GLMN: variants seen among roughly 807,000 people sequenced by gnomAD.
The protein encoded by GLMN is glomulin.
Under a neutral mutation model 87.8 loss-of-function variants are expected in GLMN, and 75 were observed. The ratio of observed to expected loss-of-function variants is 0.85; its 90% CI spans 0.71 to 1.04. The LOEUF (loss-of-function observed/expected upper bound fraction) is 1.04. GLMN is among the 50% of genes least tolerant of loss of function. The pLI is 0.00. For synonymous variants in GLMN, 206 were observed against 221.6 expected (o/e 0.93, Z 0.63); for missense variants, 588 against 658.8 (o/e 0.89, Z 1.18).
chr1:92,250,628 T>TAA (rs905913059), intron 16 of GLMN, among the ~76,000 whole-genome samples: 1 of 152,196 alleles, frequency 6.6e-6, no homozygotes, highest in Non-Finnish European at 1.5e-5. Flanking sequence ...ATAGTTGAAA[T>TAA]AAAAGTTTTC....
In GLMN at chr1:92,246,639, T is replaced by G. The variant is rs1346419359; in HGVS notation, c.1676A>C (p.His559Pro). The change falls in exon 19 of 19, where the codon CAT becomes CCT. Residue 559 changes from histidine to proline, a missense_variant. Physicochemically the swap from His to Pro is moderately conservative, Grantham distance 77. Coordinates refer to ENST00000370360, the MANE Select transcript of GLMN (RefSeq NM_053274.3). ...CAAATCAAATGTGAAAAGAGCTGAA[T>G]GCAGGACCTGCAATGCCAAGAAAAA... is the stretch of plus-strand genomic sequence containing the variant. The part of the protein sequence containing the change: ...MPPEMQLKVL[H>P]SALFTFDLIE... The G allele has an allele frequency of 6.6e-7, 1 of 1,505,514 alleles. No individual in the cohort carries two copies. Among genetic ancestry groups the G allele is most frequent in the Admixed American group, 1.7e-5 (1 of 59,836 alleles). The allele number at this position is 1,505,514 out of a possible 1,614,324, so 93.3% of individuals were successfully genotyped here.
At chr1:92,320,628 A>T in the GLMN span, 1 of 1,609,514 alleles carries the variant, frequency 6.2e-7, no homozygotes, top group East Asian at 2.2e-5. Context: ...CTAAAGGAAG[A>T]ACAAAGGTAT....
At chr1:92,278,113 G>A (rs906437845) in intron 7 of GLMN, among the ~76,000 whole-genome samples, 3 of 152,178 alleles carry the variant, frequency 2.0e-5, no homozygotes, top group Non-Finnish European at 4.4e-5. Context: ...AGGGCAGGGG[G>A]CAGGGCAGGG....
At chr1:92,366,398 A>G in the GLMN span, among the ~76,000 whole-genome samples, 2 of 152,226 alleles carry the variant, frequency 1.3e-5, no homozygotes, top group Non-Finnish European at 2.9e-5. Context: ...AACAACATCA[A>G]TAACAGCAGT....
intron 7 of GLMN, among the ~76,000 whole-genome samples, chr1:92,274,221 G>A (rs947998319): frequency 2.0e-5 from 3 of 152,114 alleles, no homozygotes; most frequent in African/African-American, 4.8e-5. Flanking sequence ...TACATCCTCA[G>A]TCTCTTCATA....
At chr1:92,362,245 T>C in the GLMN span, among the ~76,000 whole-genome samples, 41 of 152,320 alleles carry the variant, frequency 2.7e-4, no homozygotes, top group African/African-American at 9.9e-4. Flanking sequence ...ATTTAGATTG[T>C]ATATTATAGA....
intron 5 of GLMN, among the ~76,000 whole-genome samples, chr1:92,289,976 T>G (rs1649209644): frequency 6.6e-6 from 1 of 152,194 alleles, no homozygotes; most frequent in African/African-American, 2.4e-5. Flanking sequence ...TGAAAAATAG[T>G]ATGACATTCA....
At chr1:92,368,756 C>T in the GLMN span, among the ~76,000 whole-genome samples, 12 of 152,214 alleles carry the variant, frequency 7.9e-5, no homozygotes, top group Admixed American at 7.9e-4. Flanking sequence ...ATGGAGGGTA[C>T]TTGTCCTAAC....
At chr1:92,329,446 C>T in the GLMN span, among the ~76,000 whole-genome samples, 4 of 151,856 alleles carry the variant, frequency 2.6e-5, no homozygotes, top group African/African-American at 4.9e-5. Context: ...TCACTCCCAC[C>T]GTGCCCCCAC....
upstream of GLMN, among the ~76,000 whole-genome samples, chr1:92,301,953 A>C (rs998342633): frequency 1.3e-5 from 2 of 152,244 alleles, no homozygotes; most frequent in African/African-American, 4.8e-5. Flanking sequence ...AACATCACAT[A>C]CTACCCCACA....
the GLMN span, among the ~76,000 whole-genome samples, chr1:92,368,898 G>A: frequency 6.6e-6 from 1 of 152,218 alleles, no homozygotes; most frequent in Non-Finnish European, 1.5e-5. Context: ...ATATGGTAAA[G>A]AATTGTTATA....
At chr1:92,260,677 G>A (rs983013078) in intron 16 of GLMN, among the ~76,000 whole-genome samples, 2 of 149,804 alleles carry the variant, frequency 1.3e-5, no homozygotes, top group Non-Finnish European at 3.0e-5. Flanking sequence ...AGGATTGTTT[G>A]AGCTGGGGAG....
At chr1:92,341,119 C>T in the GLMN span, among the ~76,000 whole-genome samples, 1 of 151,986 alleles carries the variant, frequency 6.6e-6, no homozygotes, top group Non-Finnish European at 1.5e-5. Context: ...AGCAATCCTC[C>T]CACCTTAGCC....
At chr1:92,344,998 GT>G in the GLMN span, among the ~76,000 whole-genome samples, 1 of 152,014 alleles carries the variant, frequency 6.6e-6, no homozygotes, top group Non-Finnish European at 1.5e-5. Context: ...TGACTACAGA[GT>G]TTTTTGTTGC....
chr1:92,350,745 A>G, the GLMN span, among the ~76,000 whole-genome samples: 2 of 152,174 alleles, frequency 1.3e-5, no homozygotes, highest in South Asian at 4.1e-4. Context: ...CAGCCTGGCC[A>G]ACGTGGTGAA....
chr1:92,331,121 T>G, the GLMN span, among the ~76,000 whole-genome samples: 1 of 152,222 alleles, frequency 6.6e-6, no homozygotes, highest in African/African-American at 2.4e-5. Context: ...ATTTTACTTT[T>G]TGAGACCATG....
chr1:92,259,414 C>A (rs1162185780), intron 16 of GLMN, among the ~76,000 whole-genome samples: 1 of 152,040 alleles, frequency 6.6e-6, no homozygotes, highest in African/African-American at 2.4e-5. Context: ...CAAGGAGATA[C>A]AAGAGGCATG....
Position 92,247,910 on chromosome 1 carries a change from G to A in GLMN, c.1553C>T (p.Ala518Val). The change falls in exon 17 of 19, where the codon GCA (alanine) becomes GTA (valine). Residue 518 changes from alanine to valine, a missense_variant. Transcript: ENST00000370360. ...PLHIGLNMSK[A>V]HYEAEIKNSQ... is the part of the protein sequence containing the mutation. ...ATTTTTAATTTCTGCTTCATAATGT[G>A]CTTTTGACATATTAAGTCCTATATG... 1 of 1,380,810 alleles carries A rather than the reference G, an allele frequency of 7.2e-7. No homozygotes were observed. Among genetic ancestry groups the A allele is most frequent in the Non-Finnish European group, 1.0e-6 (1 of 968,802 alleles). The allele number at this position is 1,380,810 out of a possible 1,614,324, so 85.5% of individuals were successfully genotyped here.
the GLMN span, chr1:92,333,357 A>T: frequency 6.6e-7 from 1 of 1,507,446 alleles, no homozygotes; most frequent in Non-Finnish European, 9.2e-7. Flanking sequence ...TAAACTTATG[A>T]TTCTGTTTTG....
Sources: allele counts gnomAD v4.1 joint callset (sites outside exome capture counted in the v4.1 genomes callset), GRCh38; gene constraint gnomAD v4.1.1; transcripts MANE v1.5; gene names NCBI Gene and HGNC (gene_info 2026-07-23, HGNC 2026-07-21).